The following FLNB variants were observed in gnomAD, a reference collection of about 807,000 sequenced individuals.
FLNB encodes the protein filamin B.
A neutral mutation model predicts 250.6 loss-of-function variants in FLNB; 111 were observed. That is an observed-to-expected ratio of 0.44 (90% confidence interval 0.38 to 0.52). FLNB has a LOEUF of 0.52. Ranked by LOEUF, FLNB falls within the 20% of genes least tolerant of loss-of-function variation. FLNB has a pLI of 0.00. For missense variants in FLNB, 2,869 were observed against 3,447.8 expected, an observed-to-expected ratio of 0.83 and a Z score of 4.20; for synonymous variants, 1,302 against 1,372.1, an observed-to-expected ratio of 0.95 and a Z score of 1.13.
intron 28 of FLNB, among the ~76,000 whole-genome samples, chr3:58,137,365 A>C (rs780883559): frequency 5.3e-5 from 8 of 152,204 alleles, no homozygotes; most frequent in Non-Finnish European, 8.8e-5. Flanking sequence ...AATTGATGGC[A>C]TGTTAACGTT....
chr3:58,130,063 G>A (rs529653379), intron 24 of FLNB, among the ~76,000 whole-genome samples: 4 of 152,320 alleles, frequency 2.6e-5, no homozygotes, highest in Admixed American at 1.3e-4. Flanking sequence ...TCAGGAAGAC[G>A]GCAAGGCTTC....
rs1268028637 is a variant in FLNB, at chr3:58,097,844, C to G, written c.1014C>G (p.Ile338Met). 1.9e-6 allele frequency: 3 copies of G among 1,614,034 alleles called. No individual in the cohort carries two copies. Among genetic ancestry groups the G allele is most frequent in the African/African-American group, 2.7e-5 (2 of 74,930 alleles). Residue 338 changes from isoleucine (I) to methionine (M), a missense_variant, in exon 7 of 46, where the codon ATC becomes ATG. This residue lies in a region of FLNB where 308 missense variants were observed against 466.1 expected (regional missense o/e 0.66). Coordinates refer to ENST00000295956, the MANE Select transcript of FLNB (RefSeq NM_001457.4). The part of the protein sequence containing the change: ...KVTVLFAGQH[I>M]SKSPFEVSVD... ...CAGTCCTCTTTGCAGGACAGCACAT[C>G]TCCAAGAGCCCATTTGAAGTGAGTG...
intron 1 of FLNB, among the ~76,000 whole-genome samples, chr3:58,049,517 C>T (rs1230900472): frequency 6.6e-6 from 1 of 152,070 alleles, no homozygotes; most frequent in Non-Finnish European, 1.5e-5. Context: ...AGCTTTCAGG[C>T]CTCAGGAAAA....
At chr3:58,138,193 C>T in intron 28 of FLNB, 89 bp from the exon 29 acceptor site, 1 of 1,567,974 alleles carries the variant, frequency 6.4e-7, no homozygotes. Flanking sequence ...CATTTACAGG[C>T]ACAGACAACA....
intron 39 of FLNB, 60 bp from the exon 40 acceptor site, chr3:58,154,731 G>A (rs2097350726): frequency 1.3e-6 from 2 of 1,590,002 alleles, no homozygotes; most frequent in Non-Finnish European, 1.7e-6. Flanking sequence ...GAACAAGGAT[G>A]GAAGAGGGAC....
intron 1 of FLNB, among the ~76,000 whole-genome samples, chr3:58,039,111 T>A (rs1443684335): frequency 6.6e-6 from 1 of 150,554 alleles, no homozygotes; most frequent in African/African-American, 2.4e-5. Flanking sequence ...CACTGCAGCC[T>A]TGACCACGTG....
chr3:58,168,341 T>C (rs2097374508), intron 43 of FLNB, 99 bp from the exon 44 acceptor site: 2 of 911,056 alleles, frequency 2.2e-6, no homozygotes, highest in Non-Finnish European at 3.5e-6. Flanking sequence ...GGGTGAGCCC[T>C]CTGTAAGGGG....
rs765017696 is a variant in FLNB, at chr3:58,094,900, C to A, written c.852C>A (p.Ala284=). The change falls in exon 5 of 46, where the codon GCC becomes GCA. Residue 284 remains alanine (A), a synonymous_variant. Coordinates refer to ENST00000295956, the MANE Select transcript of FLNB (RefSeq NM_001457.4). ...AGTTCACTGTGGACACCATCAGCGC[C>A]GGGCAAGGAGACGTGATGGTGTTTG... ...PAKFTVDTIS[A]GQGDVMVFVE... 1.9e-6 allele frequency: 3 copies of A among 1,614,112 alleles called. No individual in the cohort carries two copies. The highest frequency in any genetic ancestry group is 2.5e-6 in the Non-Finnish European group (3 of 1,180,016).
At chr3:58,032,506 C>T (rs1440807320) in intron 1 of FLNB, among the ~76,000 whole-genome samples, 1 of 152,142 alleles carries the variant, frequency 6.6e-6, no homozygotes, top group Non-Finnish European at 1.5e-5. Flanking sequence ...AGCTTTTTGT[C>T]TGAGCAGAAG....
intron 28 of FLNB, among the ~76,000 whole-genome samples, chr3:58,137,324 A>G (rs1159218636): frequency 6.6e-6 from 1 of 152,210 alleles, no homozygotes; most frequent in Non-Finnish European, 1.5e-5. Context: ...AGGTCTATGC[A>G]GCTGCCAGCG....
At chr3:58,150,409 A>C in intron 38 of FLNB, 182 bp downstream of exon 38, 1 of 691,358 alleles carries the variant, frequency 1.4e-6, no homozygotes. Context: ...AGTCTCATCC[A>C]AGAAAAACAA....
At chr3:58,108,076 T>G (rs576816799) in intron 12 of FLNB, among the ~76,000 whole-genome samples, 2 of 150,510 alleles carry the variant, frequency 1.3e-5, no homozygotes, top group Admixed American at 6.7e-5. Flanking sequence ...AAGAATTGTC[T>G]TGGGCCACAC....
Position 58,169,033 on chromosome 3 carries a change from T to C in FLNB, c.7417+375T>C, listed in dbSNP as rs2097376147. The C allele has an allele frequency of 6.4e-6, 2 of 313,456 alleles. No individual in the cohort carries two copies. The highest frequency in any genetic ancestry group is 2.2e-5 in the African/African-American group (1 of 46,294). The allele number at this position is 313,456 out of a possible 1,614,324, so 19.4% of individuals were successfully genotyped here. A position where few individuals can be genotyped will look rare whatever the true frequency, so the allele number is the denominator to read the frequency against. ...TAAAAATGTGTCTCCTCCAAAACAC[T>C]GGAAAAAATACCAAACTATGAAAAC... On this transcript the variant is annotated intron_variant, in intron 44 of 45. Transcript: ENST00000295956. This position sits in a 1 kb window ranked among gnomAD's most constrained non-coding sequence, Gnocchi z 4.8.
At chr3:58,034,441 C>G (rs1349935216) in intron 1 of FLNB, among the ~76,000 whole-genome samples, 2 of 151,456 alleles carry the variant, frequency 1.3e-5, no homozygotes, top group Non-Finnish European at 2.9e-5. Flanking sequence ...GTCGCCCAGG[C>G]TGGAGTGCAG....
Position 58,146,957 on chromosome 3 carries a change from C to A in FLNB, c.5692C>A (p.His1898Asn). The change falls in exon 34 of 46, where the codon CAC becomes AAC. Residue 1898 changes from histidine to asparagine, a missense_variant. His to Asn is a moderately conservative substitution (Grantham distance 68). Around this residue, in one of 5 missense-constraint regions of FLNB, gnomAD observed 1,084 missense variants for 1,315.5 expected, o/e 0.82. Transcript: ENST00000295956. ...YSILVKYNDK[H>N]IPGSPFTAKI... ...CATTCTGGTCAAGTACAATGACAAG[C>A]ACATCCCTGGCAGCCCCTTCACAGC... is the stretch of plus-strand genomic sequence containing the variant. The A allele has an allele frequency of 6.2e-7, 1 of 1,614,180 alleles. No homozygotes were observed. Among genetic ancestry groups the A allele is most frequent in the Non-Finnish European group, 8.5e-7 (1 of 1,180,038 alleles).
intron 41 of FLNB, among the ~76,000 whole-genome samples, chr3:58,156,963 C>T (rs1471569962): frequency 6.6e-6 from 1 of 152,214 alleles, no homozygotes; most frequent in Non-Finnish European, 1.5e-5. Flanking sequence ...TCCCAAAGTG[C>T]TGGGATTACA....
At chr3:58,124,259 G>C (rs1018663643) in intron 21 of FLNB, 73 bp from the exon 22 acceptor site, 26 of 1,534,420 alleles carry the variant, frequency 1.7e-5, no homozygotes, top group Non-Finnish European at 2.1e-5. Context: ...GAAGTGCCAA[G>C]AACCTTGGTT....
chr3:58,035,774 C>G (rs2097137222), intron 1 of FLNB, among the ~76,000 whole-genome samples: 1 of 152,152 alleles, frequency 6.6e-6, no homozygotes, highest in South Asian at 2.1e-4. Context: ...GACAGAATGC[C>G]TCTTGATCAC....
chr3:58,053,525 A>C (rs1286319614), intron 1 of FLNB, among the ~76,000 whole-genome samples: 3 of 152,184 alleles, frequency 2.0e-5, no homozygotes, highest in Non-Finnish European at 2.9e-5. Context: ...CAGTGGCGCT[A>C]TCTCAGCTCA....
Sources: gnomAD v4.1 joint callset for allele counts (sites outside exome capture counted in the v4.1 genomes callset) on GRCh38, gnomAD v4.1.1 for gene constraint, gnomAD v4.1.1 regional missense constraint, Gnocchi (gnomAD v3.1) non-coding constraint, MANE v1.5 for transcripts, NCBI Gene and HGNC (gene_info 2026-07-23, HGNC 2026-07-21) for gene names.